Variants in TAFA2 observed in about 807,000 individuals in gnomAD.
TAFA2 encodes chemokine-like protein TAFA-2.
A neutral mutation model predicts 18.8 loss-of-function variants in TAFA2; 7 were observed. The ratio of observed to expected loss-of-function variants is 0.37; its 90% CI spans 0.21 to 0.70. The LOEUF is 0.70. Ranked by LOEUF, TAFA2 falls within the 30% of genes least tolerant of loss-of-function variation. TAFA2 has a pLI of 0.53. For synonymous variants in TAFA2, 60 were observed against 54.2 expected (o/e 1.11, Z -0.47); for missense variants, 122 against 158.1 (o/e 0.77, Z 1.23).
intron 1 of TAFA2, among the ~76,000 whole-genome samples, chr12:62,030,553 A>G: frequency 6.6e-6 from 1 of 152,166 alleles, no homozygotes; most frequent in Non-Finnish European, 1.5e-5. Context: ...TCCCAAGCCT[A>G]GTGGTATGAA....
At chr12:61,801,030 A>G (rs146347171) in intron 2 of TAFA2, among the ~76,000 whole-genome samples, 335 of 152,248 alleles carry the variant, frequency 2.2e-3, no homozygotes, top group African/African-American at 7.2e-3. Flanking sequence ...CTCATTTTAC[A>G]ATAGCTACAA....
intron 1 of TAFA2, among the ~76,000 whole-genome samples, chr12:62,064,627 G>A (rs954145887): frequency 3.2e-4 from 49 of 152,148 alleles, no homozygotes; most frequent in African/African-American, 1.2e-3. Flanking sequence ...TCTTAAGCTA[G>A]TTATCCACAT....
chr12:61,918,124 C>T (rs1434645968), intron 1 of TAFA2, among the ~76,000 whole-genome samples: 1 of 151,952 alleles, frequency 6.6e-6, no homozygotes, highest in Non-Finnish European at 1.5e-5. Context: ...GTAAACAGGA[C>T]ATCCATCACC....
intron 1 of TAFA2, among the ~76,000 whole-genome samples, chr12:61,914,272 C>T (rs1354746532): frequency 6.6e-6 from 1 of 152,160 alleles, no homozygotes; most frequent in Non-Finnish European, 1.5e-5. Context: ...TTTCATGAAA[C>T]ATCCTTCTCT....
rs186823033 is a variant in TAFA2 at position 62,226,449 on chromosome 12, G to A, written c.-130+32314C>T. ...CCTGACCTCACGATCCACCCTCCTC[G>A]GCCTCCCAAAGTGCTGGGATTACAG... On this transcript the variant is annotated intron_variant, in intron 1 of 5. Transcript: ENST00000551619. 1.4e-3 allele frequency among the ~76,000 whole-genome samples: 214 copies of A among 152,042 alleles called. 1 individual carries two copies. Among genetic ancestry groups the A allele is most frequent in the African/African-American group, 5.0e-3 (206 of 41,498 alleles).
At chr12:61,802,405 T>C (rs1485102950) in intron 2 of TAFA2, among the ~76,000 whole-genome samples, 1 of 152,014 alleles carries the variant, frequency 6.6e-6, no homozygotes, top group Non-Finnish European at 1.5e-5. Flanking sequence ...GGTCCATATA[T>C]GCAATGGAAT....
chr12:62,049,523 G>C (rs929788065), intron 1 of TAFA2, among the ~76,000 whole-genome samples: 2 of 152,116 alleles, frequency 1.3e-5, no homozygotes, highest in African/African-American at 2.4e-5. Context: ...ATAGTGGGGA[G>C]AGCAACTAAA....
intron 1 of TAFA2, among the ~76,000 whole-genome samples, chr12:62,041,325 C>T (rs1481034555): frequency 1.3e-5 from 2 of 152,090 alleles, no homozygotes; most frequent in East Asian, 1.9e-4. Flanking sequence ...TCTATTGCCC[C>T]CAAAACTCAT....
At chr12:61,842,138 A>AACAC (rs1232248385) in intron 2 of TAFA2, among the ~76,000 whole-genome samples, 3 of 152,028 alleles carry the variant, frequency 2.0e-5, no homozygotes, top group African/African-American at 7.2e-5. Context: ...AGCCACGTTT[A>AACAC]ACACTAGATC....
At chr12:61,901,532 A>G (rs927503535) in intron 1 of TAFA2, among the ~76,000 whole-genome samples, 1 of 152,104 alleles carries the variant, frequency 6.6e-6, no homozygotes, top group African/African-American at 2.4e-5. Context: ...AACTCTGATG[A>G]AACAAATATA....
intron 2 of TAFA2, among the ~76,000 whole-genome samples, chr12:61,832,312 A>T (rs1431840566): frequency 6.6e-6 from 1 of 151,996 alleles, no homozygotes; most frequent in African/African-American, 2.4e-5. Context: ...TTTCTCTAAG[A>T]AACAACCCTG....
chr12:61,872,164 C>A (rs548699907), intron 1 of TAFA2, among the ~76,000 whole-genome samples: 1 of 151,978 alleles, frequency 6.6e-6, no homozygotes, highest in Non-Finnish European at 1.5e-5. Flanking sequence ...AAACAAAAAC[C>A]TGGAAGGAAA....
intron 2 of TAFA2, among the ~76,000 whole-genome samples, chr12:61,825,130 G>C (rs1872489623): frequency 1.3e-5 from 2 of 152,136 alleles, no homozygotes; most frequent in African/African-American, 4.8e-5. Flanking sequence ...GAGAACAAGT[G>C]ATTTGGGCTT....
intron 2 of TAFA2, among the ~76,000 whole-genome samples, chr12:61,854,466 G>A (rs1873804247): frequency 6.6e-6 from 1 of 151,938 alleles, no homozygotes; most frequent in Non-Finnish European, 1.5e-5. Flanking sequence ...ACAACTGGAG[G>A]ATATGAATTG....
chr12:61,820,121 C>T (rs1555167957), intron 2 of TAFA2, among the ~76,000 whole-genome samples: 1 of 152,008 alleles, frequency 6.6e-6, no homozygotes, highest in Non-Finnish European at 1.5e-5. Flanking sequence ...GTTTGTCCCA[C>T]CCCAACAGTT....
intron 2 of TAFA2, among the ~76,000 whole-genome samples, chr12:61,846,653 C>T (rs1430415187): frequency 6.6e-6 from 1 of 152,150 alleles, no homozygotes; most frequent in African/African-American, 2.4e-5. Context: ...TCTTTGCTTA[C>T]ATAACTTAAA....
intron 1 of TAFA2, among the ~76,000 whole-genome samples, chr12:62,141,343 TG>T (rs1470415158): frequency 6.6e-6 from 1 of 152,168 alleles, no homozygotes; most frequent in Non-Finnish European, 1.5e-5. Flanking sequence ...TGAACAGCTT[TG>T]CTTTTCTCTG....
intron 1 of TAFA2, among the ~76,000 whole-genome samples, chr12:62,031,239 G>A (rs756254210): frequency 6.6e-6 from 1 of 151,994 alleles, no homozygotes; most frequent in Non-Finnish European, 1.5e-5. Flanking sequence ...TAATCTGGGT[G>A]GTCACCATCT....
chr12:61,915,849 A>G (rs1369170970), intron 1 of TAFA2, among the ~76,000 whole-genome samples: 1 of 152,196 alleles, frequency 6.6e-6, no homozygotes, highest in African/African-American at 2.4e-5. Context: ...ATTGGTGAGC[A>G]TGAGTCTGCT....
Sources: allele counts gnomAD v4.1 joint callset (sites outside exome capture counted in the v4.1 genomes callset), GRCh38; gene constraint gnomAD v4.1.1; transcripts MANE v1.5; gene names NCBI Gene and HGNC (gene_info 2026-07-23, HGNC 2026-07-21).